Variants in LAMB4 observed in about 807,000 individuals in gnomAD.
LAMB4 encodes laminin subunit beta-4.
In LAMB4, 196 loss-of-function variants were observed where a neutral mutation model predicts 199.2. That is an observed-to-expected ratio of 0.98 (90% confidence interval 0.88 to 1.11). LAMB4 has a LOEUF of 1.11. Ranked by LOEUF, LAMB4 falls within the 50% of genes least tolerant of loss-of-function variation. LAMB4 has a pLI of 0.00. For synonymous variants in LAMB4, 744 were observed against 770.6 expected, an observed-to-expected ratio of 0.97 and a Z score of 0.57; for missense variants, 2,080 against 2,171.2, an observed-to-expected ratio of 0.96 and a Z score of 0.83.
Position 108,106,494 on chromosome 7 carries a change from TA to T in LAMB4, c.655+14del. ...TTTTTTAAAGCTGATATGAAAAATA[TA>T]AAGGAATTCATACCTTGGATGTAGG... On this transcript the variant is annotated intron_variant, in intron 7 of 33. Transcript: ENST00000388781. 2 of 1,464,412 alleles carry T rather than the reference TA, an allele frequency of 1.4e-6. No individual in the cohort carries two copies. Among genetic ancestry groups the T allele is most frequent in the Non-Finnish European group, 1.9e-6 (2 of 1,063,336 alleles). The allele number at this position is 1,464,412 out of a possible 1,614,324, so 90.7% of individuals were successfully genotyped here.
At chr7:108,041,313 T>C (rs1161805333) in intron 29 of LAMB4, among the ~76,000 whole-genome samples, 1 of 152,160 alleles carries the variant, frequency 6.6e-6, no homozygotes, top group Non-Finnish European at 1.5e-5. Context: ...GTAAATTAAT[T>C]CAACCATTGT....
At chr7:108,054,624 T>C (rs1475940114) in intron 25 of LAMB4, among the ~76,000 whole-genome samples, 1 of 152,142 alleles carries the variant, frequency 6.6e-6, no homozygotes, top group Non-Finnish European at 1.5e-5. Context: ...CATCCTGGTT[T>C]TGCCCTTAAC....
At chr7:108,077,097 C>A in intron 16 of LAMB4, 33 bp from the exon 17 acceptor site, 2 of 1,607,018 alleles carry the variant, frequency 1.2e-6, no homozygotes, top group Non-Finnish European at 1.7e-6. Flanking sequence ...AAAATTCAGA[C>A]CACAGAAATA....
At chr7:108,019,643 T>C (rs1475992376), downstream of LAMB4, among the ~76,000 whole-genome samples, 1 of 152,078 alleles carries the variant, frequency 6.6e-6, no homozygotes, top group Non-Finnish European at 1.5e-5. Flanking sequence ...CATGGTCACA[T>C]CAAACTGCAA....
At chr7:108,011,779 C>T in the LAMB4 span, among the ~76,000 whole-genome samples, 7 of 152,156 alleles carry the variant, frequency 4.6e-5, no homozygotes, top group South Asian at 1.2e-3. Flanking sequence ...CTGCTGTATA[C>T]TAATCATTGT....
the LAMB4 span, among the ~76,000 whole-genome samples, chr7:108,013,381 A>G: frequency 6.6e-6 from 1 of 152,208 alleles, no homozygotes; most frequent in Non-Finnish European, 1.5e-5. Flanking sequence ...GTTAAAGAGC[A>G]TATCACATGT....
rs533741877 is a variant in LAMB4, at chr7:108,095,121, A to C, written c.1470+107T>G. ...AAATACTCATACCACTGGAGTATTAAAACACAATAGGACAAGAAAGAGATT... is the reference window on the plus strand; with the variant it reads ...AAATACTCATACCACTGGAGTATTACAACACAATAGGACAAGAAAGAGATT... On this transcript the variant is annotated intron_variant, in intron 12 of 33. Transcript: ENST00000388781. The C allele has an allele frequency of 1.0e-3, 772 of 771,276 alleles. 1 individual carries two copies. The highest frequency in any genetic ancestry group is 1.3e-3 in the Non-Finnish European group (615 of 465,756). The allele number at this position is 771,276 out of a possible 1,614,324, so 47.8% of individuals were successfully genotyped here.
intron 14 of LAMB4, among the ~76,000 whole-genome samples, chr7:108,090,713 A>G (rs1373658564): frequency 6.6e-6 from 1 of 152,206 alleles, no homozygotes; most frequent in African/African-American, 2.4e-5. Context: ...GTTATGACCT[A>G]AACAGAAATA....
chr7:108,111,762 T>C (rs747662341), intron 4 of LAMB4, 49 bp downstream of exon 4: 4 of 1,504,566 alleles, frequency 2.7e-6, no homozygotes, highest in Non-Finnish European at 9.2e-7. Flanking sequence ...GAGGATGTCA[T>C]ATTAAAATAT....
chr7:108,063,974 C>G lies in LAMB4; in HGVS notation c.2848G>C (p.Gly950Arg). Reference protein sequence around the residue: ...CLQGYTGTQCGECSTGFYGNP... With the variant: ...CLQGYTGTQCRECSTGFYGNP... ...CCATAGAAACCAGTAGAGCATTCTC[C>G]ACACTGAGTACCTGAAAGAAAGTGG... is the stretch of plus-strand genomic sequence containing the variant. Residue 950 changes from glycine (G) to arginine (R), a missense_variant, in exon 22 of 34, where the codon GGA (glycine) becomes CGA (arginine). Gly to Arg is a moderately radical substitution (Grantham distance 125, BLOSUM62 -2). Coordinates refer to ENST00000388781, the MANE Select transcript of LAMB4 (RefSeq NM_007356.3). 1 of 1,613,404 alleles carries G rather than the reference C, an allele frequency of 6.2e-7. No individual in the cohort carries two copies. Among genetic ancestry groups the G allele is most frequent in the East Asian group, 2.2e-5 (1 of 44,880 alleles).
intron 5 of LAMB4, among the ~76,000 whole-genome samples, chr7:108,108,893 T>C (rs970381145): frequency 6.6e-6 from 1 of 152,196 alleles, no homozygotes; most frequent in African/African-American, 2.4e-5. Context: ...CCAAAAATTA[T>C]CTTTATAGTT....
intron 12 of LAMB4, among the ~76,000 whole-genome samples, chr7:108,093,017 G>A (rs1308844915): frequency 6.6e-6 from 1 of 152,134 alleles, no homozygotes; most frequent in Non-Finnish European, 1.5e-5. Flanking sequence ...GCTCAATCTG[G>A]GTTATATAAA....
At chr7:108,069,544 C>G (rs2036458998) in intron 18 of LAMB4, among the ~76,000 whole-genome samples, 164 bp downstream of exon 18, 1 of 152,188 alleles carries the variant, frequency 6.6e-6, no homozygotes, top group Non-Finnish European at 1.5e-5. Context: ...ATGTACTGTG[C>G]ATTATGATTC....
rs752103767 is a variant in LAMB4, at chr7:108,062,868, C to T, written c.3188G>A (p.Arg1063His). ...CAGATTCCAGTATCCATCAGCACAA[C>T]GGTCACAGGCCAGGCCTGTGACATT... ...LPNVTGLACD[R>H]CADGYWNLVP... The change falls in exon 23 of 34, where the codon CGT becomes CAT. Residue 1063 changes from arginine to histidine, a missense_variant. Physicochemically the swap from Arg to His is conservative, Grantham distance 29. Transcript: ENST00000388781. The T allele has an allele frequency of 7.1e-5, 113 of 1,592,910 alleles. No homozygotes were observed. The highest frequency in any genetic ancestry group is 2.5e-4 in the East Asian group (11 of 43,650).
At chr7:108,106,243 C>T (rs2038005246) in intron 7 of LAMB4, among the ~76,000 whole-genome samples, 1 of 152,040 alleles carries the variant, frequency 6.6e-6, no homozygotes, top group African/African-American at 2.4e-5. Context: ...CATGGCGACA[C>T]CCTGTCTCTA....
chr7:108,037,602 T>G lies in LAMB4; in HGVS notation c.4472-7A>C, dbSNP rs765992315. On this transcript the variant is annotated splice_region_variant and splice_polypyrimidine_tract_variant and intron_variant, in intron 29 of 33. Transcript: ENST00000388781. ...TCTGGAGGCACGTTTTCCTCTTAAA[T>G]AAGAAGCAGGGTTTTAGGTAATCAT... is the stretch of plus-strand genomic sequence containing the variant. 6.2e-7 allele frequency: 1 copy of G among 1,610,882 alleles called. No individual in the cohort carries two copies. Among genetic ancestry groups the G allele is most frequent in the Admixed American group, 1.7e-5 (1 of 59,992 alleles).
chr7:108,117,059 C>T (rs2038433550), intron 2 of LAMB4, among the ~76,000 whole-genome samples: 1 of 152,108 alleles, frequency 6.6e-6, no homozygotes, highest in South Asian at 2.1e-4. Context: ...AAAAACAATC[C>T]TATCATTTTG....
chr7:108,060,344 G>A (rs2036119689), intron 23 of LAMB4, among the ~76,000 whole-genome samples: 1 of 152,184 alleles, frequency 6.6e-6, no homozygotes, highest in South Asian at 2.1e-4. Flanking sequence ...AGCACTAGGA[G>A]TCCCTCAAGA....
intron 27 of LAMB4, 58 bp downstream of exon 27, chr7:108,049,267 AG>A (rs2035751712): frequency 1.5e-6 from 1 of 652,318 alleles, no homozygotes; most frequent in African/African-American, 1.9e-5. Context: ...ATCATTGAAG[AG>A]GTTCATATAC....
Sources: gnomAD v4.1 joint callset for allele counts (sites outside exome capture counted in the v4.1 genomes callset) on GRCh38, gnomAD v4.1.1 for gene constraint, MANE v1.5 for transcripts, NCBI Gene and HGNC (gene_info 2026-07-23, HGNC 2026-07-21) for gene names.